Variants in MGAT4C observed in about 807,000 individuals in gnomAD.
MGAT4C encodes MGAT4 family member C.
In MGAT4C, 19 loss-of-function variants were observed where a neutral mutation model predicts 40.1. The ratio of observed to expected loss-of-function variants is 0.47; its 90% CI spans 0.33 to 0.70. MGAT4C has a LOEUF of 0.70. Among genes scored for constraint, MGAT4C ranks in the 30% least tolerant of loss-of-function variants. The pLI is 0.02. For synonymous variants in MGAT4C, 181 were observed against 187.1 expected (o/e 0.97, Z 0.27); for missense variants, 491 against 563.2 (o/e 0.87, Z 1.30).
At chr12:86,463,781 A>G (rs1004392342) in intron 2 of MGAT4C, among the ~76,000 whole-genome samples, 5 of 152,200 alleles carry the variant, frequency 3.3e-5, no homozygotes, top group Middle Eastern at 3.2e-3. Context: ...TCTTCCTCTT[A>G]TATTAATAAA....
chr12:86,424,885 T>C (rs1422762061), intron 3 of MGAT4C, among the ~76,000 whole-genome samples: 2 of 151,936 alleles, frequency 1.3e-5, no homozygotes, highest in Admixed American at 6.6e-5. Context: ...GCCTCCCGAG[T>C]AGCTGGGACT....
In MGAT4C at chr12:86,334,730, C is replaced by G. The variant is rs575658793; in HGVS notation, c.-119-603G>C. Among the ~76,000 whole-genome samples, 4 of 152,078 alleles carry G rather than the reference C, an allele frequency of 2.6e-5. No individual in the cohort carries two copies. In the South Asian group the frequency reaches 8.3e-4, roughly 32 times the overall value. ...AATTTAAACCACATTAAACACCATT[C>G]AAAATATGAAAGAACTTCAGTTAGT... On this transcript the variant is annotated intron_variant, in intron 3 of 7. Coordinates refer to the MGAT4C transcript ENST00000548651.
At chr12:86,320,860 T>C (rs912520877) in intron 4 of MGAT4C, among the ~76,000 whole-genome samples, 3 of 152,170 alleles carry the variant, frequency 2.0e-5, no homozygotes, top group Non-Finnish European at 2.9e-5. Flanking sequence ...CATCATAAAG[T>C]AGCAACTTAC....
At chr12:86,496,485 T>C (rs1195099921) in intron 2 of MGAT4C, among the ~76,000 whole-genome samples, 1 of 152,010 alleles carries the variant, frequency 6.6e-6, no homozygotes, top group Non-Finnish European at 1.5e-5. Flanking sequence ...AGGTACATTA[T>C]ACAGAGTCAT....
At chr12:86,138,908 A>T (rs1226908242) in intron 1 of MGAT4C, among the ~76,000 whole-genome samples, 1 of 151,940 alleles carries the variant, frequency 6.6e-6, no homozygotes, top group Non-Finnish European at 1.5e-5. Flanking sequence ...GGTGGAGAGG[A>T]ACAGTTAGAC....
intron 2 of MGAT4C, among the ~76,000 whole-genome samples, chr12:85,993,200 G>C (rs905507993): frequency 6.6e-6 from 1 of 152,172 alleles, no homozygotes. Context: ...GAAGGATGTC[G>C]TGTTACTTTT....
chr12:86,307,260 T>C (rs79931977), intron 4 of MGAT4C, among the ~76,000 whole-genome samples: 1,734 of 150,784 alleles, frequency 0.011, 102 homozygotes, highest in East Asian at 0.11. Flanking sequence ...ATTATCTTTA[T>C]AGTGTTGTGG....
intron 2 of MGAT4C, among the ~76,000 whole-genome samples, chr12:86,589,261 A>T (rs984890857): frequency 1.3e-5 from 2 of 151,922 alleles, no homozygotes; most frequent in Admixed American, 1.3e-4. Context: ...ACCATCAGAG[A>T]TTACTACAAA....
At chr12:86,699,831 T>C (rs560611923) in intron 2 of MGAT4C, among the ~76,000 whole-genome samples, 1 of 152,220 alleles carries the variant, frequency 6.6e-6, no homozygotes, top group East Asian at 1.9e-4. Flanking sequence ...TTCATCCTCA[T>C]TGTCTTCACA....
chr12:86,374,725 G>C (rs1433916015), intron 3 of MGAT4C, among the ~76,000 whole-genome samples: 2 of 152,110 alleles, frequency 1.3e-5, no homozygotes, highest in Non-Finnish European at 2.9e-5. Context: ...AGAAAATGAA[G>C]CATTCCTTCA....
chr12:86,095,636 CTTT>C (rs11332636), intron 1 of MGAT4C, among the ~76,000 whole-genome samples: 1 of 144,370 alleles, frequency 6.9e-6, no homozygotes, highest in African/African-American at 2.5e-5. Flanking sequence ...GGACTATTTT[CTTT>C]TTTTTTTTTC....
chr12:86,469,247 T>C (rs1048200076), intron 2 of MGAT4C, among the ~76,000 whole-genome samples: 2 of 152,166 alleles, frequency 1.3e-5, no homozygotes, highest in African/African-American at 4.8e-5. Context: ...CTTTCTGATA[T>C]TTACCCTGTT....
chr12:86,334,067 T>C (rs1954733435), exon 4 of MGAT4C: 1 of 152,080 alleles, frequency 6.6e-6, no homozygotes, highest in South Asian at 2.1e-4. Context: ...GGACTCACGT[T>C]TTAGTTTCTG....
chr12:86,469,061 T>C (rs1336961485), intron 2 of MGAT4C, among the ~76,000 whole-genome samples: 3 of 152,090 alleles, frequency 2.0e-5, no homozygotes, highest in Non-Finnish European at 1.5e-5. Flanking sequence ...AACCAGAGGA[T>C]TAATGGGGCT....
At chr12:86,093,985 CA>C (rs1873407456) in intron 1 of MGAT4C, among the ~76,000 whole-genome samples, 1 of 152,098 alleles carries the variant, frequency 6.6e-6, no homozygotes. Flanking sequence ...TACTCATAGA[CA>C]CTGAAGTTTC....
intron 2 of MGAT4C, among the ~76,000 whole-genome samples, chr12:86,587,568 C>G (rs1472694453): frequency 6.6e-6 from 1 of 152,042 alleles, no homozygotes; most frequent in Admixed American, 6.6e-5. Flanking sequence ...GATATTCATT[C>G]TTCCTACCCA....
chr12:86,774,129 T>A (rs1951688718), intron 1 of MGAT4C, among the ~76,000 whole-genome samples: 5 of 151,436 alleles, frequency 3.3e-5, no homozygotes, highest in Admixed American at 3.3e-4. Context: ...AATTTTTGTA[T>A]TTTTAGTAAA....
rs149234104 is a variant in MGAT4C, at chr12:86,372,704, C to G, written c.-119-38577G>C. ...CATTTAATTAAATATATTTGGTAAA[C>G]TGCAACTTGCCATGTATTTAATACA... On this transcript the variant is annotated intron_variant, in intron 3 of 7. Coordinates refer to the MGAT4C transcript ENST00000548651. 5.3e-4 allele frequency among the ~76,000 whole-genome samples: 80 copies of G among 151,924 alleles called. 1 individual carries two copies. Among genetic ancestry groups the G allele is most frequent in the African/African-American group, 1.9e-3 (79 of 41,528 alleles).
At chr12:86,477,995 T>C (rs898701867) in intron 2 of MGAT4C, among the ~76,000 whole-genome samples, 3 of 152,142 alleles carry the variant, frequency 2.0e-5, no homozygotes, top group Admixed American at 1.3e-4. Flanking sequence ...TTTCATATTT[T>C]CTACTTTACT....
Sources: allele counts gnomAD v4.1 joint callset (sites outside exome capture counted in the v4.1 genomes callset), GRCh38; gene constraint gnomAD v4.1.1; transcripts MANE v1.5; gene names NCBI Gene and HGNC (gene_info 2026-07-23, HGNC 2026-07-21).